Variants in TMPO observed in about 807,000 individuals in gnomAD.
TMPO encodes the protein thymopoietin.
TMPO carries 22 observed loss-of-function variants against 45.4 expected under a neutral mutation model. The observed-to-expected ratio is 0.48, with a 90% CI of 0.35 to 0.69. The LOEUF (loss-of-function observed/expected upper bound fraction) is 0.69, where lower values mean the gene tolerates loss of function less well. Among genes scored for constraint, TMPO ranks in the 30% least tolerant of loss-of-function variants. The pLI, the probability that TMPO is intolerant of heterozygous loss-of-function variation, is 0.01. For synonymous variants in TMPO, 241 were observed against 204.1 expected (o/e 1.18, Z -1.54); for missense variants, 512 against 548.8 (o/e 0.93, Z 0.67).
Position 98,533,158 on chromosome 12 carries a change from A to G in TMPO, c.565+1320A>G, listed in dbSNP as rs747613142. On this transcript the variant is annotated intron_variant, in intron 3 of 8. Coordinates refer to ENST00000556029, the MANE Select transcript of TMPO (RefSeq NM_001032283.3). ...TTCGTCATCTTCTCAGCCTGAACAC[A>G]GTGCCATGTTGGTCTCTACTGCAGC... 20 of 1,614,176 alleles carry G rather than the reference A, an allele frequency of 1.2e-5. No individual in the cohort carries two copies. Among genetic ancestry groups the G allele is most frequent in the Admixed American group, 1.7e-5 (1 of 60,030 alleles).
intron 1 of TMPO, 135 bp downstream of exon 1, chr12:98,516,281 C>CA: frequency 1.6e-6 from 2 of 1,244,848 alleles, no homozygotes; most frequent in African/African-American, 3.1e-5. Flanking sequence ...CGCCCCCTCG[C>CA]GTCGCCCCTT....
chr12:98,543,978 T>C (rs1355797317), intron 4 of TMPO, among the ~76,000 whole-genome samples: 4 of 152,196 alleles, frequency 2.6e-5, no homozygotes, highest in Non-Finnish European at 5.9e-5. Flanking sequence ...GTGCTTTTTT[T>C]CCCATAATGT....
intron 3 of TMPO, chr12:98,533,360 T>G (rs1376087985): frequency 1.9e-6 from 3 of 1,614,088 alleles, no homozygotes; most frequent in Non-Finnish European, 2.5e-6. Flanking sequence ...AGCTCACAAC[T>G]AATTTCTCCG....
chr12:98,520,310 T>TTCCTTCCTGCCTTCC (rs755914522), intron 1 of TMPO, among the ~76,000 whole-genome samples: 15 of 99,478 alleles, frequency 1.5e-4, no homozygotes, highest in African/African-American at 5.8e-4. Context: ...TCCTTCCTTC[T>TTCCTTCCTGCCTTCC]GTGTGTGTGA....
chr12:98,528,078 T>C lies in TMPO; in HGVS notation c.406+66T>C. ...AGCAGGACCCCAAATTATTTTCTCC[T>C]TTTTGTTTAGCAGTTTAGGTTCCAA... On this transcript the variant is annotated intron_variant, in intron 2 of 8. Transcript: ENST00000556029. The C allele has an allele frequency of 5.0e-6, 8 of 1,597,486 alleles. No individual in the cohort carries two copies. In the South Asian group the frequency reaches 8.9e-5, roughly 18 times the overall value.
rs560525921 is a variant in TMPO at position 98,533,135 on chromosome 12, C to T, written c.565+1297C>T. 9.9e-6 allele frequency: 16 copies of T among 1,613,982 alleles called. No homozygotes were observed. The highest frequency in any genetic ancestry group is 1.6e-4 in the Middle Eastern group (1 of 6,084). On this transcript the variant is annotated intron_variant, in intron 3 of 8. Coordinates refer to ENST00000556029, the MANE Select transcript of TMPO (RefSeq NM_001032283.3). Reference sequence around the variant, plus strand: ...GATAGGTGTTTAGAGAAAAGTTCTTCGTCATCTTCTCAGCCTGAACACAGT... The same window carrying T: ...GATAGGTGTTTAGAGAAAAGTTCTTTGTCATCTTCTCAGCCTGAACACAGT...
At chr12:98,543,037 G>C (rs1878015648) in intron 4 of TMPO, among the ~76,000 whole-genome samples, 1 of 152,040 alleles carries the variant, frequency 6.6e-6, no homozygotes. Flanking sequence ...TCCAAATATA[G>C]ATAAATACAA....
rs1592923632 is a variant in TMPO at position 98,515,674 on chromosome 12, C to T, written c.-194C>T. 7 of 1,208,762 alleles carry T rather than the reference C, an allele frequency of 5.8e-6. No individual in the cohort carries two copies. The East Asian group carries it at 1.5e-4, about 27-fold the overall frequency. 74.9% of individuals were successfully genotyped at this position (1,208,762 alleles called of 1,614,324 possible). On this transcript the variant is annotated 5_prime_UTR_variant, in exon 1 of 9. Coordinates refer to ENST00000556029, the MANE Select transcript of TMPO (RefSeq NM_001032283.3). The stretch of plus-strand genomic sequence containing the variant: ...GCTTGGCCGCAGTTGGTTCGTAGTT[C>T]GGCTCTGGGGTCTTTTGTGTCCGGG...
At chr12:98,539,943 A>G (rs1164869386) in intron 4 of TMPO, among the ~76,000 whole-genome samples, 4 of 152,198 alleles carry the variant, frequency 2.6e-5, no homozygotes, top group African/African-American at 7.2e-5. Context: ...TTAATAATTT[A>G]TTTGTATCTA....
rs1167847178 is a variant in TMPO at position 98,549,258 on chromosome 12, C to T, written c.*1400C>T. ...ATTTTTTATGAGATGGAGTCTCACTCTTGTCACCCAGACTGTAGTGCAGTG... is the reference window on the plus strand; with the variant it reads ...ATTTTTTATGAGATGGAGTCTCACTTTTGTCACCCAGACTGTAGTGCAGTG... On this transcript the variant is annotated 3_prime_UTR_variant, in exon 9 of 9. Coordinates refer to ENST00000556029, the MANE Select transcript of TMPO (RefSeq NM_001032283.3). 1 of 152,158 alleles carries T rather than the reference C, an allele frequency of 6.6e-6. No individual in the cohort carries two copies. Among genetic ancestry groups the T allele is most frequent in the Non-Finnish European group, 1.5e-5 (1 of 68,052 alleles). The allele number at this position is 152,158 out of a possible 1,614,324, so 9.4% of individuals were successfully genotyped here.
intron 4 of TMPO, 143 bp downstream of exon 4, chr12:98,537,715 C>G: frequency 1.3e-6 from 1 of 777,588 alleles, no homozygotes; most frequent in East Asian, 2.7e-5. Context: ...TACTAAAAAT[C>G]TAAACTTTGT....
At chr12:98,526,515 T>C (rs899951036) in intron 1 of TMPO, among the ~76,000 whole-genome samples, 3 of 152,202 alleles carry the variant, frequency 2.0e-5, no homozygotes, top group Admixed American at 1.3e-4. Flanking sequence ...TGTTAGTGTT[T>C]TTATTGTCGT....
intron 1 of TMPO, among the ~76,000 whole-genome samples, chr12:98,524,228 C>G (rs1196284598): frequency 6.6e-6 from 1 of 152,160 alleles, no homozygotes; most frequent in Non-Finnish European, 1.5e-5. Flanking sequence ...TTATCTGGCC[C>G]AAGGTGAAGA....
At chr12:98,531,558 T>A (rs1877193867) in intron 2 of TMPO, 122 bp from the exon 3 acceptor site, 13 of 1,077,252 alleles carry the variant, frequency 1.2e-5, no homozygotes, top group Non-Finnish European at 1.6e-5. Flanking sequence ...TTTTTTTTTT[T>A]AAGAACTTGA....
chr12:98,519,104 G>T (rs570845060), intron 1 of TMPO, among the ~76,000 whole-genome samples: 1 of 151,984 alleles, frequency 6.6e-6, no homozygotes, highest in Non-Finnish European at 1.5e-5. Context: ...GGATGGCCTC[G>T]ATCTCCTGAC....
chr12:98,545,270 A>G (rs577869146), intron 7 of TMPO, among the ~76,000 whole-genome samples: 94 of 151,972 alleles, frequency 6.2e-4, no homozygotes, highest in Middle Eastern at 3.4e-3. Context: ...TGCTAATACT[A>G]TCCTCTTGCC....
intron 1 of TMPO, among the ~76,000 whole-genome samples, chr12:98,520,052 C>T (rs900454907): frequency 5.3e-5 from 8 of 151,572 alleles, no homozygotes; most frequent in African/African-American, 1.7e-4. Flanking sequence ...CTCTGCCTCC[C>T]GGGTTCAAGC....
At chr12:98,528,133 C>T (rs1352816987) in intron 2 of TMPO, 121 bp downstream of exon 2, 3 of 1,107,224 alleles carry the variant, frequency 2.7e-6, no homozygotes, top group Non-Finnish European at 4.0e-6. Context: ...CATTTGTTAT[C>T]AGCAGAACCT....
intron 2 of TMPO, among the ~76,000 whole-genome samples, chr12:98,529,416 A>C (rs1024399999): frequency 2.0e-5 from 3 of 152,106 alleles, no homozygotes; most frequent in African/African-American, 7.2e-5. Context: ...GAATTGAGGA[A>C]TTATACCCTT....
Sources: allele counts gnomAD v4.1 joint callset (sites outside exome capture counted in the v4.1 genomes callset), GRCh38; gene constraint gnomAD v4.1.1; transcripts MANE v1.5; gene names NCBI Gene and HGNC (gene_info 2026-07-23, HGNC 2026-07-21).